The following PPARGC1A variants were observed in gnomAD, a reference collection of about 807,000 sequenced individuals.
PPARGC1A encodes peroxisome proliferator-activated receptor gamma coactivator 1-alpha.
In PPARGC1A, 25 loss-of-function variants were observed where a neutral mutation model predicts 88.7. The ratio of observed to expected loss-of-function variants is 0.28; its 90% CI spans 0.21 to 0.39. The LOEUF (loss-of-function observed/expected upper bound fraction) is 0.39. PPARGC1A is among the 10% of genes least tolerant of loss of function. The pLI is 1.00. For synonymous variants in PPARGC1A, 363 were observed against 355.6 expected (o/e 1.02, Z -0.24); for missense variants, 880 against 968.7 (o/e 0.91, Z 1.22).
At chr4:24,151,152 T>G in the PPARGC1A span, among the ~76,000 whole-genome samples, 1 of 152,236 alleles carries the variant, frequency 6.6e-6, no homozygotes, top group African/African-American at 2.4e-5. Context: ...ATTGCTCCCC[T>G]TTCACAAATT....
At chr4:24,168,650 C>CACAG in the PPARGC1A span, among the ~76,000 whole-genome samples, 1 of 151,852 alleles carries the variant, frequency 6.6e-6, no homozygotes, top group Admixed American at 6.6e-5. Context: ...TAGACACACA[C>CACAG]ACACACACAC....
chr4:24,000,513 C>CTTT, the PPARGC1A span, among the ~76,000 whole-genome samples: 1 of 151,406 alleles, frequency 6.6e-6, no homozygotes, highest in African/African-American at 2.4e-5. Flanking sequence ...GCAGCAGGTG[C>CTTT]TTTTTTTTAA....
the PPARGC1A span, among the ~76,000 whole-genome samples, chr4:24,165,978 C>T: frequency 1.3e-5 from 2 of 152,148 alleles, no homozygotes; most frequent in African/African-American, 2.4e-5. Flanking sequence ...AAAGCTGAAA[C>T]GGGCTGAAAA....
chr4:24,131,323 A>G, the PPARGC1A span, among the ~76,000 whole-genome samples: 2 of 152,216 alleles, frequency 1.3e-5, no homozygotes, highest in East Asian at 3.9e-4. Context: ...TGACTTCACT[A>G]ATTCTATCAC....
chr4:24,103,388 A>G, the PPARGC1A span, among the ~76,000 whole-genome samples: 2 of 151,734 alleles, frequency 1.3e-5, no homozygotes, highest in Admixed American at 6.6e-5. Context: ...GATAATATAG[A>G]GATCCACCCA....
At chr4:24,386,377 C>T in the PPARGC1A span, among the ~76,000 whole-genome samples, 1 of 151,950 alleles carries the variant, frequency 6.6e-6, no homozygotes, top group Admixed American at 6.6e-5. Context: ...ACATAGTATT[C>T]GAAGTTCTGG....
At chr4:23,846,689 A>G (rs1313706461) in intron 2 of PPARGC1A, among the ~76,000 whole-genome samples, 1 of 152,148 alleles carries the variant, frequency 6.6e-6, no homozygotes, top group African/African-American at 2.4e-5. Flanking sequence ...CACTCTTGAC[A>G]CTGGGGATAT....
At chr4:24,100,250 G>A in the PPARGC1A span, among the ~76,000 whole-genome samples, 1 of 152,084 alleles carries the variant, frequency 6.6e-6, no homozygotes. Context: ...AAGGTCTATT[G>A]GCATATGAAG....
chr4:24,293,626 C>T, the PPARGC1A span, among the ~76,000 whole-genome samples: 2 of 125,390 alleles, frequency 1.6e-5, no homozygotes, highest in African/African-American at 6.5e-5. Context: ...TCCCTATCCC[C>T]TCACCCCTAC....
At chr4:24,390,984 T>C in the PPARGC1A span, among the ~76,000 whole-genome samples, 3 of 152,120 alleles carry the variant, frequency 2.0e-5, no homozygotes, top group African/African-American at 7.2e-5. Context: ...TTTAAAGGCC[T>C]GTTTTGAGTA....
the PPARGC1A span, among the ~76,000 whole-genome samples, chr4:24,381,439 G>A: frequency 1.3e-5 from 2 of 152,212 alleles, no homozygotes; most frequent in Non-Finnish European, 2.9e-5. Context: ...GTAACTAGCT[G>A]CAACTGCAGT....
chr4:23,905,750 T>A (rs968343219), upstream of PPARGC1A, among the ~76,000 whole-genome samples: 1 of 152,218 alleles, frequency 6.6e-6, no homozygotes, highest in Non-Finnish European at 1.5e-5. Context: ...TGAGAGAGGT[T>A]AAGTAACTTT....
At chr4:24,047,759 C>T in the PPARGC1A span, among the ~76,000 whole-genome samples, 1 of 152,134 alleles carries the variant, frequency 6.6e-6, no homozygotes, top group Non-Finnish European at 1.5e-5. Context: ...TATCTCAGGC[C>T]ATAGTGAAGC....
At chr4:23,797,239 TC>T (rs1299293551) in intron 12 of PPARGC1A, among the ~76,000 whole-genome samples, 2 of 152,124 alleles carry the variant, frequency 1.3e-5, no homozygotes, top group African/African-American at 4.8e-5. Flanking sequence ...TCTTAAATAG[TC>T]AATTCTTAAA....
the PPARGC1A span, among the ~76,000 whole-genome samples, chr4:24,007,889 A>G: frequency 2.0e-5 from 3 of 152,158 alleles, no homozygotes; most frequent in Non-Finnish European, 1.5e-5. Context: ...ATAGAAACTC[A>G]GAGCTGCCCT....
chr4:24,001,255 G>A, the PPARGC1A span, among the ~76,000 whole-genome samples: 1 of 152,138 alleles, frequency 6.6e-6, no homozygotes, highest in Non-Finnish European at 1.5e-5. Flanking sequence ...GTTATAATAT[G>A]CTATTAATTG....
the PPARGC1A span, among the ~76,000 whole-genome samples, chr4:24,212,841 A>C: frequency 6.6e-6 from 1 of 152,182 alleles, no homozygotes; most frequent in African/African-American, 2.4e-5. Flanking sequence ...CTGAGACAAC[A>C]ATGGTTGTGT....
chr4:24,468,437 A>G, the PPARGC1A span, among the ~76,000 whole-genome samples: 1 of 152,164 alleles, frequency 6.6e-6, no homozygotes, highest in Non-Finnish European at 1.5e-5. Context: ...TCCCCCCCGC[A>G]CACACACACT....
At chr4:23,932,366 C>T in the PPARGC1A span, among the ~76,000 whole-genome samples, 11 of 152,262 alleles carry the variant, frequency 7.2e-5, no homozygotes, top group Admixed American at 7.2e-4. Flanking sequence ...TGCTATCCTT[C>T]CATTCTATAG....
Sources: gnomAD v4.1 joint callset for allele counts (sites outside exome capture counted in the v4.1 genomes callset) on GRCh38, gnomAD v4.1.1 for gene constraint, MANE v1.5 for transcripts, NCBI Gene and HGNC (gene_info 2026-07-23, HGNC 2026-07-21) for gene names.